The following HLCS variants were observed in gnomAD, a reference collection of about 807,000 sequenced individuals.
The protein encoded by HLCS is biotin--protein ligase.
In HLCS, 53 loss-of-function variants were observed where a neutral mutation model predicts 75.0. The ratio of observed to expected loss-of-function variants is 0.71; its 90% CI spans 0.57 to 0.89. The LOEUF (loss-of-function observed/expected upper bound fraction) is 0.89, where lower values mean the gene tolerates loss of function less well. HLCS is among the 40% of genes least tolerant of loss of function. HLCS has a pLI of 0.00. For synonymous variants in HLCS, 431 were observed against 428.6 expected (o/e 1.01, Z -0.07); for missense variants, 966 against 1,074.0 (o/e 0.90, Z 1.41).
chr21:36,845,223 T>G (rs1319292849), intron 6 of HLCS, among the ~76,000 whole-genome samples: 1 of 152,156 alleles, frequency 6.6e-6, no homozygotes, highest in African/African-American at 2.4e-5. Flanking sequence ...TCCCCTCCCA[T>G]GCTCACAGCC....
chr21:36,913,183 C>T (rs553106077), intron 5 of HLCS, among the ~76,000 whole-genome samples: 2 of 152,246 alleles, frequency 1.3e-5, no homozygotes, highest in South Asian at 4.1e-4. Context: ...GGCAGTATAC[C>T]GCAGAGCTGG....
intron 5 of HLCS, among the ~76,000 whole-genome samples, chr21:36,903,677 G>A (rs962537752): frequency 6.6e-6 from 1 of 152,158 alleles, no homozygotes; most frequent in Admixed American, 6.5e-5. Context: ...GAATCATCCA[G>A]ATTGACTATG....
At chr21:36,841,886 C>A (rs2062628527) in intron 6 of HLCS, among the ~76,000 whole-genome samples, 1 of 152,118 alleles carries the variant, frequency 6.6e-6, no homozygotes, top group Non-Finnish European at 1.5e-5. Flanking sequence ...TCTAATGACC[C>A]TCAGCTGTCA....
intron 6 of HLCS, among the ~76,000 whole-genome samples, chr21:36,787,968 T>C (rs2060742301): frequency 6.6e-6 from 1 of 152,178 alleles, no homozygotes; most frequent in Admixed American, 6.6e-5. Flanking sequence ...TTGGTTCTTA[T>C]TTCCTTTGCT....
intron 1 of HLCS, among the ~76,000 whole-genome samples, chr21:36,988,396 A>G (rs954642324): frequency 2.4e-4 from 37 of 152,166 alleles, no homozygotes; most frequent in Admixed American, 2.4e-3. Context: ...GACCTTCCTC[A>G]CTGTTTTTTA....
chr21:36,839,736 T>C (rs765886475), intron 6 of HLCS, among the ~76,000 whole-genome samples: 87 of 152,280 alleles, frequency 5.7e-4, no homozygotes, highest in Non-Finnish European at 9.4e-4. Context: ...TTTCTGAAAA[T>C]TCCAAAATGT....
chr21:36,871,127 T>C (rs1359558894), intron 6 of HLCS, among the ~76,000 whole-genome samples: 2 of 152,196 alleles, frequency 1.3e-5, no homozygotes, highest in Admixed American at 1.3e-4. Flanking sequence ...GGAAAGGCCA[T>C]GACAGCAGGC....
chr21:36,917,890 C>T (rs756312851), intron 5 of HLCS, among the ~76,000 whole-genome samples: 2 of 148,984 alleles, frequency 1.3e-5, no homozygotes, highest in Non-Finnish European at 3.0e-5. Context: ...GAAATCCAAA[C>T]GAAGGTGTGA....
chr21:36,873,166 G>A (rs1238216599), intron 6 of HLCS, among the ~76,000 whole-genome samples: 2 of 151,186 alleles, frequency 1.3e-5, no homozygotes, highest in Non-Finnish European at 2.9e-5. Flanking sequence ...TCGCCAGGCT[G>A]GAGTACAGTG....
chr21:36,925,466 C>G (rs536142462), intron 5 of HLCS, among the ~76,000 whole-genome samples: 28 of 152,362 alleles, frequency 1.8e-4, no homozygotes, highest in African/African-American at 6.3e-4. Flanking sequence ...GAGCAATGCA[C>G]AAGCTCTCTA....
intron 6 of HLCS, among the ~76,000 whole-genome samples, chr21:36,808,856 T>C (rs1410706741): frequency 6.6e-6 from 1 of 152,238 alleles, no homozygotes; most frequent in Non-Finnish European, 1.5e-5. Context: ...AAATTCTTTT[T>C]TCTTTTATCG....
chr21:36,783,052 T>C (rs1246025810), intron 6 of HLCS, among the ~76,000 whole-genome samples: 1 of 152,166 alleles, frequency 6.6e-6, no homozygotes, highest in Admixed American at 6.5e-5. Context: ...TGTATTGTAT[T>C]AATACTTTTT....
intron 6 of HLCS, among the ~76,000 whole-genome samples, chr21:36,824,708 T>A (rs1244229921): frequency 6.6e-6 from 1 of 152,198 alleles, no homozygotes. Context: ...CAGAGGGATT[T>A]TACGAGAACT....
chr21:36,960,036 G>A (rs1177656078), intron 2 of HLCS, among the ~76,000 whole-genome samples: 2 of 151,134 alleles, frequency 1.3e-5, no homozygotes, highest in Admixed American at 6.6e-5. Flanking sequence ...ATGCTTCCAG[G>A]TGCCACCATG....
In HLCS at chr21:36,751,131, A is replaced by C. The variant is rs941006919; in HGVS notation, c.*3115T>G. ...GTTTAAATATGAATAAAAATACTGT[A>C]ACCCAAAGTAGTTGCCTACTTTTAA... On this transcript the variant is annotated 3_prime_UTR_variant, in exon 11 of 11. Coordinates refer to ENST00000674895, the MANE Select transcript of HLCS (RefSeq NM_001352514.2). 1 of 152,624 alleles carries C rather than the reference A, an allele frequency of 6.6e-6. No homozygotes were observed. The highest frequency in any genetic ancestry group is 1.5e-5 in the Non-Finnish European group (1 of 68,032). The allele number at this position is 152,624 out of a possible 1,614,324, so 9.5% of individuals were successfully genotyped here.
intron 6 of HLCS, among the ~76,000 whole-genome samples, chr21:36,872,402 A>C (rs1601584130): frequency 6.6e-6 from 1 of 152,052 alleles, no homozygotes; most frequent in African/African-American, 2.4e-5. Context: ...AAAAAAAAAA[A>C]AAAACTTCAG....
At chr21:36,955,400 C>G (rs890285213) in intron 2 of HLCS, among the ~76,000 whole-genome samples, 3 of 151,732 alleles carry the variant, frequency 2.0e-5, no homozygotes, top group African/African-American at 7.3e-5. Context: ...GGAGATCAGT[C>G]TAGGAAACAT....
chr21:36,885,225 C>T (rs914743702), intron 6 of HLCS, among the ~76,000 whole-genome samples: 7 of 152,198 alleles, frequency 4.6e-5, no homozygotes, highest in African/African-American at 1.7e-4. Context: ...ACACCTACCA[C>T]ACCAGGCACG....
intron 7 of HLCS, among the ~76,000 whole-genome samples, chr21:36,765,547 T>C (rs1054611404): frequency 9.2e-5 from 14 of 152,222 alleles, no homozygotes; most frequent in East Asian, 1.9e-4. Context: ...TGAGAGGTCC[T>C]GGAAGCCACT....
Sources: gnomAD v4.1 joint callset for allele counts (sites outside exome capture counted in the v4.1 genomes callset) on GRCh38, gnomAD v4.1.1 for gene constraint, MANE v1.5 for transcripts, NCBI Gene and HGNC (gene_info 2026-07-23, HGNC 2026-07-21) for gene names.